The following WDR93 variants were observed in gnomAD, a reference collection of about 807,000 sequenced individuals.
WDR93 encodes WD repeat-containing protein 93.
In WDR93, 73 loss-of-function variants were observed where a neutral mutation model predicts 82.9. The ratio of observed to expected loss-of-function variants is 0.88; its 90% confidence interval spans 0.73 to 1.07. The LOEUF (loss-of-function observed/expected upper bound fraction) is 1.07, where lower values mean the gene tolerates loss of function less well. Ranked by LOEUF, WDR93 falls within the 50% of genes least tolerant of loss-of-function variation. WDR93 has a pLI of 0.00. For synonymous variants in WDR93, 283 were observed against 300.1 expected, an observed-to-expected ratio of 0.94 and a Z score of 0.59; for missense variants, 738 against 826.0, an observed-to-expected ratio of 0.89 and a Z score of 1.31.
At chr15:89,719,596 C>T (rs574508662) in intron 7 of WDR93, 26 of 152,108 alleles carry the variant, frequency 1.7e-4, no homozygotes, top group African/African-American at 5.8e-4. Flanking sequence ...TTTGTGTCTT[C>T]TCTCTTTTTT....
Position 89,712,335 on chromosome 15 carries a change from C to T in WDR93, c.640+231C>T, listed in dbSNP as rs1966016153. Among the ~76,000 whole-genome samples the T allele has an allele frequency of 1.4e-5, 2 of 144,038 alleles. 1 individual carries two copies. Among genetic ancestry groups the T allele is most frequent in the South Asian group, 4.5e-4 (2 of 4,446 alleles). The allele number at this position is 144,038 out of a possible 152,430, so 94.5% of individuals were successfully genotyped here. ...CTAAGCAAATGACATTGGTACAGTA[C>T]TATTAACTAACTCTTAACTACAGAT... On this transcript the variant is annotated intron_variant, in intron 5 of 16. Coordinates refer to ENST00000268130, the MANE Select transcript of WDR93 (RefSeq NM_020212.2).
At chr15:89,711,846 T>C (rs1965993718) in intron 4 of WDR93, among the ~76,000 whole-genome samples, 180 bp from the exon 5 acceptor site, 1 of 152,232 alleles carries the variant, frequency 6.6e-6, no homozygotes, top group African/African-American at 2.4e-5. Context: ...TCTACTTCTT[T>C]ACATATCATC....
intron 7 of WDR93, among the ~76,000 whole-genome samples, chr15:89,720,174 C>G (rs925656693): frequency 1.6e-4 from 25 of 152,290 alleles, no homozygotes; most frequent in African/African-American, 5.3e-4. Context: ...ATGCTATACA[C>G]TTGTATCTAA....
chr15:89,711,679 A>G (rs1295318025), intron 4 of WDR93, among the ~76,000 whole-genome samples: 2 of 152,238 alleles, frequency 1.3e-5, no homozygotes, highest in Admixed American at 6.5e-5. Context: ...TTTCAGTGTC[A>G]TGTAGAATTT....
chr15:89,701,621 T>C, intron 1 of WDR93, 86 bp from the exon 2 acceptor site: 1 of 1,161,080 alleles, frequency 8.6e-7, no homozygotes. Flanking sequence ...GCAGTCCCTA[T>C]AGGCTATTGT....
intron 5 of WDR93, among the ~76,000 whole-genome samples, chr15:89,713,557 C>G (rs555880034): frequency 1.3e-5 from 2 of 152,082 alleles, no homozygotes; most frequent in South Asian, 4.2e-4. Flanking sequence ...ACTGTAACCT[C>G]TGCTTCCCAG....
At chr15:89,729,604 C>A in intron 10 of WDR93, 79 bp from the exon 11 acceptor site, 1 of 1,102,474 alleles carries the variant, frequency 9.1e-7, no homozygotes, top group Non-Finnish European at 1.4e-6. Context: ...GGGCAAACAC[C>A]TTCTGTGCAA....
chr15:89,702,723 G>C (rs1354766334), intron 2 of WDR93, among the ~76,000 whole-genome samples: 3 of 152,012 alleles, frequency 2.0e-5, no homozygotes, highest in African/African-American at 7.3e-5. Flanking sequence ...ATTTTTAGTA[G>C]AGATGGGGTT....
intron 8 of WDR93, among the ~76,000 whole-genome samples, 169 bp from the exon 9 acceptor site, chr15:89,726,988 G>A (rs967461569): frequency 6.6e-6 from 1 of 152,088 alleles, no homozygotes; most frequent in Non-Finnish European, 1.5e-5. Flanking sequence ...GAGCTGGTGG[G>A]GTACAGGAGA....
At chr15:89,734,750 C>A (rs532650702) in intron 13 of WDR93, among the ~76,000 whole-genome samples, 220 of 152,180 alleles carry the variant, frequency 1.4e-3, no homozygotes, top group Middle Eastern at 0.01. Context: ...TTTGGGAGGC[C>A]AAGGCGGGTG....
chr15:89,715,085 A>C lies in WDR93; in HGVS notation c.746A>C (p.Gln249Pro). Residue 249 changes from glutamine to proline, a missense_variant, in exon 6 of 17, where the codon CAG becomes CCG. Gln to Pro is a moderately conservative substitution (Grantham distance 76). Coordinates refer to ENST00000268130, the MANE Select transcript of WDR93 (RefSeq NM_020212.2). Reference sequence around the variant, plus strand: ...TCAAATCCAAAGAAAAAAGTCAGACAGCCGCAACTGGTAGGAAATATCTCT... The same window carrying C: ...TCAAATCCAAAGAAAAAAGTCAGACCGCCGCAACTGGTAGGAAATATCTCT... ...LTSNPKKKVR[Q>P]PQLNSLGPIS... The C allele has an allele frequency of 6.2e-7, 1 of 1,613,726 alleles. No homozygotes were observed. The highest frequency in any genetic ancestry group is 1.7e-5 in the Admixed American group (1 of 59,964).
chr15:89,715,244 T>G lies in WDR93; in HGVS notation c.756+149T>G, dbSNP rs546493138. The G allele has an allele frequency of 1.6e-5, 10 of 645,156 alleles. No homozygotes were observed. The African/African-American group carries it at 1.8e-4, about 12-fold the overall frequency. 40.0% of individuals were successfully genotyped at this position (645,156 alleles called of 1,614,324 possible). On this transcript the variant is annotated intron_variant, in intron 6 of 16. Transcript: ENST00000268130. ...TTGGCCCCTGTCTCCCAAGTCAATT[T>G]CCTTTGGTTAAAATAAGATATTAAA...
intron 4 of WDR93, among the ~76,000 whole-genome samples, chr15:89,710,779 AC>A (rs1258074378): frequency 4.6e-5 from 7 of 152,210 alleles, no homozygotes; most frequent in Non-Finnish European, 1.0e-4. Flanking sequence ...TATTGTCACA[AC>A]TTTGGAAGTT....
At chr15:89,694,417 A>G (rs1474040815) in intron 1 of WDR93, among the ~76,000 whole-genome samples, 1 of 151,736 alleles carries the variant, frequency 6.6e-6, no homozygotes, top group Non-Finnish European at 1.5e-5. Context: ...TGTATTTTTT[A>G]GTAGACATGG....
At position 89,738,059 on chromosome 15, in the gene WDR93, C is replaced by T. The variant is rs767780118; in HGVS notation, c.1784C>T (p.Thr595Ile). 6.2e-7 allele frequency: 1 copy of T among 1,611,776 alleles called. No individual in the cohort carries two copies. Among genetic ancestry groups the T allele is most frequent in the East Asian group, 2.2e-5 (1 of 44,874 alleles). Reference protein sequence around the residue: ...FLLRGDYSHETASTDDAGIQY... With the variant: ...FLLRGDYSHEIASTDDAGIQY... ...GTCACAGGAGACTATTCACATGAAA[C>T]TGCGTCCACCGACGATGCTGGAATC... The change falls in exon 16 of 17, where the codon ACT becomes ATT. Residue 595 changes from threonine (T) to isoleucine (I), a missense_variant. Coordinates refer to ENST00000268130, the MANE Select transcript of WDR93 (RefSeq NM_020212.2).
chr15:89,726,585 T>A (rs995853485), intron 8 of WDR93, among the ~76,000 whole-genome samples: 7 of 152,172 alleles, frequency 4.6e-5, no homozygotes, highest in African/African-American at 1.7e-4. Context: ...AGTCATCCAG[T>A]TTTACTGTGG....
intron 1 of WDR93, 112 bp from the exon 2 acceptor site, chr15:89,701,594 GC>G: frequency 1.1e-6 from 1 of 876,460 alleles, no homozygotes; most frequent in Non-Finnish European, 1.7e-6. Flanking sequence ...TAAGGAAAAT[GC>G]CAGTCTGTGG....
chr15:89,694,591 T>C (rs909268405), intron 1 of WDR93, among the ~76,000 whole-genome samples: 9 of 152,250 alleles, frequency 5.9e-5, no homozygotes, highest in Non-Finnish European at 8.8e-5. Flanking sequence ...TGGACAAAAG[T>C]ACTTTATCAG....
intron 1 of WDR93, among the ~76,000 whole-genome samples, chr15:89,697,864 T>C (rs919152683): frequency 1.3e-5 from 2 of 151,320 alleles, no homozygotes; most frequent in African/African-American, 2.4e-5. Context: ...ACTTGATCAA[T>C]TGACACTTTT....
Sources: allele counts gnomAD v4.1 joint callset (sites outside exome capture counted in the v4.1 genomes callset), GRCh38; gene constraint gnomAD v4.1.1; transcripts MANE v1.5; gene names NCBI Gene and HGNC (gene_info 2026-07-23, HGNC 2026-07-21).